Variants in AKR7A3 observed in about 807,000 individuals in gnomAD.
AKR7A3 encodes the protein aldo-keto reductase family 7 member A3, also known as AFB1 aldehyde reductase 2.
AKR7A3 carries 37 observed loss-of-function variants against 32.5 expected under a neutral mutation model. The ratio of observed to expected loss-of-function variants is 1.14; its 90% CI spans 0.88 to 1.50. The LOEUF (loss-of-function observed/expected upper bound fraction) is 1.50, where lower values mean the gene tolerates loss of function less well. Among genes scored for constraint, AKR7A3 ranks in the 40% most tolerant of loss-of-function variants. AKR7A3 has a pLI of 0.00. For missense variants in AKR7A3, 412 were observed against 453.2 expected (o/e 0.91, Z 0.83); for synonymous variants, 177 against 188.4 (o/e 0.94, Z 0.50).
downstream of AKR7A3, among the ~76,000 whole-genome samples, chr1:19,280,122 G>A (rs552442107): frequency 1.6e-4 from 25 of 151,810 alleles, no homozygotes; most frequent in East Asian, 4.6e-3. Context: ...CTTTCTTTAT[G>A]GAGTCTTTAA....
chr1:19,288,094 A>G (rs1198579183), intron 1 of AKR7A3, among the ~76,000 whole-genome samples: 4 of 152,132 alleles, frequency 2.6e-5, no homozygotes, highest in African/African-American at 9.7e-5. Flanking sequence ...CCAGGCGGTA[A>G]GAACAGAATT....
chr1:19,283,831 C>T (rs1487731576), intron 6 of AKR7A3, among the ~76,000 whole-genome samples, 165 bp downstream of exon 6: 2 of 151,174 alleles, frequency 1.3e-5, no homozygotes, highest in African/African-American at 2.4e-5. Context: ...ACTCTGTCCC[C>T]CCAAAAAAAA....
At chr1:19,288,410 C>G (rs1309773181) in intron 1 of AKR7A3, 86 bp downstream of exon 1, 10 of 1,481,062 alleles carry the variant, frequency 6.8e-6, no homozygotes, top group Non-Finnish European at 9.0e-6. Flanking sequence ...GGTGCTGCCC[C>G]GGGGCCAGGG....
At chr1:19,275,287 C>T in the AKR7A3 span, among the ~76,000 whole-genome samples, 105 of 151,406 alleles carry the variant, frequency 6.9e-4, 4 homozygotes, top group African/African-American at 2.1e-3. Flanking sequence ...GGCACATGCC[C>T]GTAATCCCAG....
chr1:19,282,464 C>G (rs533683707), downstream of AKR7A3: 156 of 545,038 alleles, frequency 2.9e-4, no homozygotes, highest in Admixed American at 7.1e-4. Context: ...CACCACACCC[C>G]CTTGTACAGA....
chr1:19,279,683 G>A (rs559994353), downstream of AKR7A3, among the ~76,000 whole-genome samples: 2 of 151,854 alleles, frequency 1.3e-5, no homozygotes, highest in Non-Finnish European at 2.9e-5. Context: ...ATGATGTTGA[G>A]CGCTTTCTCA....
the AKR7A3 span, among the ~76,000 whole-genome samples, chr1:19,276,271 G>T: frequency 1.4e-5 from 2 of 144,924 alleles, no homozygotes; most frequent in Non-Finnish European, 3.0e-5. Context: ...CTGAAGCAAA[G>T]AATTGCTTGA....
rs769649651 is a variant in AKR7A3, at chr1:19,284,789, A to C, written c.605-4T>G. On this transcript the variant is annotated splice_region_variant and splice_polypyrimidine_tract_variant and intron_variant, in intron 4 of 6. Transcript: ENST00000361640. ...TACTTGCCGGTCAGCAGGCCCCCTGAGGGAAAGCAGCAATCAGCCCCGGGG... is the reference window on the plus strand; with the variant it reads ...TACTTGCCGGTCAGCAGGCCCCCTGCGGGAAAGCAGCAATCAGCCCCGGGG... The C allele has an allele frequency of 2.5e-6, 4 of 1,613,664 alleles. No homozygotes were observed. The highest frequency in any genetic ancestry group is 1.7e-5 in the Admixed American group (1 of 60,004).
At chr1:19,278,186 C>A (rs1242923838), downstream of AKR7A3, among the ~76,000 whole-genome samples, 1 of 151,770 alleles carries the variant, frequency 6.6e-6, no homozygotes, top group Non-Finnish European at 1.5e-5. Flanking sequence ...TCAAGAGATT[C>A]CCCTTGCCTG....
downstream of AKR7A3, among the ~76,000 whole-genome samples, chr1:19,279,260 A>AT (rs900281000): frequency 5.9e-5 from 9 of 151,484 alleles, no homozygotes; most frequent in East Asian, 3.9e-4. Context: ...CTTTTTTATT[A>AT]TTTTTTTTAA....
the AKR7A3 span, among the ~76,000 whole-genome samples, chr1:19,275,011 C>T: frequency 6.7e-6 from 1 of 150,106 alleles, no homozygotes; most frequent in African/African-American, 2.5e-5. Flanking sequence ...TGAAAAAATG[C>T]TTACAAGTAA....
intron 4 of AKR7A3, 54 bp downstream of exon 4, chr1:19,284,964 G>C: frequency 6.2e-7 from 1 of 1,608,704 alleles, no homozygotes; most frequent in East Asian, 2.2e-5. Flanking sequence ...GTCCTGGGCT[G>C]GGCATCTGTG....
Position 19,282,736 on chromosome 1 carries a change from G to A in AKR7A3, c.991C>T (p.Arg331Cys), listed in dbSNP as rs780744277. The change falls in exon 7 of 7, where the codon CGC becomes TGC. Residue 331 changes from arginine to cysteine, a missense_variant. By Grantham distance (180) the Arg-to-Cys change is radical (BLOSUM62 -3). Transcript: ENST00000361640. ...CAGCCTGAGAAACGATGGGCCTAGC[G>A]GAAGTAGTTGGGACATTCGTGAGTA... is the stretch of plus-strand genomic sequence containing the variant. ...LVTHECPNYF[R>C] 34 of 1,613,744 alleles carry A rather than the reference G, an allele frequency of 2.1e-5. No individual in the cohort carries two copies. Among genetic ancestry groups the A allele is most frequent in the South Asian group, 9.9e-5 (9 of 91,076 alleles).
the AKR7A3 span, among the ~76,000 whole-genome samples, chr1:19,275,587 A>G: frequency 2.6e-5 from 4 of 151,708 alleles, no homozygotes; most frequent in African/African-American, 9.7e-5. Context: ...GGGAGGATTG[A>G]GCCCAGGAGT....
Position 19,286,272 on chromosome 1 carries a change from G to C in AKR7A3, c.315C>G (p.Pro105=). ...LETSLKRLQC[P]RVDLFYLHMP... ...TATGCAGGTAGAAGAGGTCCACTCGGGGACACTGCAGCCGCTTCAGTGACG... is the reference window on the plus strand; with the variant it reads ...TATGCAGGTAGAAGAGGTCCACTCGCGGACACTGCAGCCGCTTCAGTGACG... The change falls in exon 2 of 7, where the codon CCC becomes CCG. Residue 105 remains proline, a synonymous_variant. Coordinates refer to ENST00000361640, the MANE Select transcript of AKR7A3 (RefSeq NM_012067.3). 1 of 1,613,894 alleles carries C rather than the reference G, an allele frequency of 6.2e-7. No individual in the cohort carries two copies. The highest frequency in any genetic ancestry group is 8.5e-7 in the Non-Finnish European group (1 of 1,180,028).
At chr1:19,279,178 T>C (rs2093715348), downstream of AKR7A3, among the ~76,000 whole-genome samples, 1 of 151,928 alleles carries the variant, frequency 6.6e-6, no homozygotes, top group Non-Finnish European at 1.5e-5. Context: ...TCCAGACTGG[T>C]CTGGAACTCC....
chr1:19,283,350 CA>C (rs1279527443), intron 6 of AKR7A3, among the ~76,000 whole-genome samples: 1 of 151,818 alleles, frequency 6.6e-6, no homozygotes, highest in Admixed American at 6.5e-5. Flanking sequence ...CAGCTCCCAC[CA>C]AAAGGATGAG....
chr1:19,288,404 C>T, intron 1 of AKR7A3, 92 bp downstream of exon 1: 3 of 1,455,964 alleles, frequency 2.1e-6, no homozygotes, highest in South Asian at 1.3e-5. Context: ...ACTTTGGGTG[C>T]TGCCCCGGGG....
chr1:19,286,698 A>G lies in AKR7A3; in HGVS notation c.215-326T>C, dbSNP rs2093731336. On this transcript the variant is annotated intron_variant, in intron 1 of 6. Coordinates refer to ENST00000361640, the MANE Select transcript of AKR7A3 (RefSeq NM_012067.3). The stretch of plus-strand genomic sequence containing the variant: ...AAAAAACAAACAAACAAACAAAACA[A>G]ACAACAAAAAAAAAGAATCTTAGTT... 3.3e-5 allele frequency among the ~76,000 whole-genome samples: 5 copies of G among 151,676 alleles called. No homozygotes were observed. The South Asian group carries it at 1.0e-3, about 31-fold the overall frequency.
Sources: allele counts gnomAD v4.1 joint callset (sites outside exome capture counted in the v4.1 genomes callset), GRCh38; gene constraint gnomAD v4.1.1; transcripts MANE v1.5; gene names NCBI Gene and HGNC (gene_info 2026-07-23, HGNC 2026-07-21).